PTPRJ: variants seen among roughly 807,000 people sequenced by gnomAD.
The protein encoded by PTPRJ is protein tyrosine phosphatase receptor type J, also known as receptor-type tyrosine-protein phosphatase eta.
In PTPRJ, 129 loss-of-function variants were observed where a neutral mutation model predicts 141.3. The ratio of observed to expected loss-of-function variants is 0.91; its 90% CI spans 0.79 to 1.06. PTPRJ has a LOEUF of 1.06. PTPRJ is among the 50% of genes least tolerant of loss of function. The pLI is 0.00. For synonymous variants in PTPRJ, 610 were observed against 640.5 expected (o/e 0.95, Z 0.72); for missense variants, 1,601 against 1,679.7 (o/e 0.95, Z 0.82).
intron 1 of PTPRJ, among the ~76,000 whole-genome samples, chr11:48,004,109 A>G (rs1590396523): frequency 6.6e-6 from 1 of 152,102 alleles, no homozygotes; most frequent in East Asian, 1.9e-4. Context: ...TTAGAGCTAT[A>G]TTTTAGCTCT....
intron 1 of PTPRJ, among the ~76,000 whole-genome samples, chr11:48,059,800 A>G (rs1854869710): frequency 6.6e-6 from 1 of 152,220 alleles, no homozygotes; most frequent in Non-Finnish European, 1.5e-5. Context: ...TGAGGCAAAG[A>G]AAGGATAAGT....
intron 23 of PTPRJ, among the ~76,000 whole-genome samples, 168 bp downstream of exon 23, chr11:48,163,786 A>G (rs1256921537): frequency 6.6e-6 from 1 of 152,238 alleles, no homozygotes; most frequent in Non-Finnish European, 1.5e-5. Flanking sequence ...CTTCCAAAAC[A>G]GGGGTTGGCA....
chr11:48,121,471 A>G (rs1190138957), intron 4 of PTPRJ, among the ~76,000 whole-genome samples: 3 of 152,206 alleles, frequency 2.0e-5, no homozygotes, highest in Non-Finnish European at 4.4e-5. Flanking sequence ...GGGAAGTTCT[A>G]ACTACTTCTG....
chr11:48,023,179 T>A (rs1255698711), intron 1 of PTPRJ, among the ~76,000 whole-genome samples: 2 of 152,036 alleles, frequency 1.3e-5, no homozygotes, highest in Non-Finnish European at 2.9e-5. Context: ...GTCTTAAGGA[T>A]GTAGAAATTT....
At chr11:48,117,366 C>G (rs1002521609) in intron 3 of PTPRJ, among the ~76,000 whole-genome samples, 2 of 151,502 alleles carry the variant, frequency 1.3e-5, no homozygotes, top group Non-Finnish European at 2.9e-5. Flanking sequence ...CATGGTGAAA[C>G]CCCGTCTCTA....
intron 1 of PTPRJ, among the ~76,000 whole-genome samples, chr11:48,082,854 G>C (rs1855600307): frequency 6.6e-6 from 1 of 152,148 alleles, no homozygotes; most frequent in Admixed American, 6.5e-5. Context: ...TAAAATAGGT[G>C]AATAGTATCT....
intron 1 of PTPRJ, among the ~76,000 whole-genome samples, chr11:48,032,813 G>C (rs934597687): frequency 6.6e-6 from 1 of 152,130 alleles, no homozygotes; most frequent in Non-Finnish European, 1.5e-5. Context: ...TTCATTCAGC[G>C]TGCACAATTT....
At chr11:48,099,427 T>C (rs1478474232) in intron 1 of PTPRJ, among the ~76,000 whole-genome samples, 2 of 152,222 alleles carry the variant, frequency 1.3e-5, no homozygotes, top group African/African-American at 4.8e-5. Context: ...AGTTTACATA[T>C]CATCGATGGC....
intron 1 of PTPRJ, among the ~76,000 whole-genome samples, chr11:48,094,807 A>C (rs983285874): frequency 6.6e-6 from 1 of 152,194 alleles, no homozygotes; most frequent in Non-Finnish European, 1.5e-5. Context: ...ACTTTGGGTC[A>C]ACTTCAGGGT....
At chr11:48,106,763 C>CTTTTTTTTTTTTTTTT (rs35643138) in intron 1 of PTPRJ, among the ~76,000 whole-genome samples, 8 of 86,438 alleles carry the variant, frequency 9.3e-5, no homozygotes, top group Non-Finnish European at 1.4e-4. Context: ...TTCTTTCTTT[C>CTTTTTTTTTTTTTTTT]TTTTTTTTTT....
chr11:47,988,816 C>A (rs1166271937), intron 1 of PTPRJ, among the ~76,000 whole-genome samples: 1 of 150,740 alleles, frequency 6.6e-6, no homozygotes, highest in Non-Finnish European at 1.5e-5. Flanking sequence ...TTCTCCATAC[C>A]GTCTCATCTG....
At chr11:47,987,747 G>T (rs896143874) in intron 1 of PTPRJ, among the ~76,000 whole-genome samples, 13 of 152,114 alleles carry the variant, frequency 8.5e-5, no homozygotes, top group African/African-American at 2.9e-4. Context: ...GGCTTTACTG[G>T]TGCCCCCTCG....
At chr11:47,996,428 T>G (rs1054086669) in intron 1 of PTPRJ, among the ~76,000 whole-genome samples, 1 of 151,966 alleles carries the variant, frequency 6.6e-6, no homozygotes, top group Non-Finnish European at 1.5e-5. Flanking sequence ...TCTTCCCTTA[T>G]AGCTGTGTGA....
chr11:47,982,041 T>G (rs956226213), intron 1 of PTPRJ, among the ~76,000 whole-genome samples: 2 of 152,110 alleles, frequency 1.3e-5, no homozygotes, highest in Non-Finnish European at 1.5e-5. Context: ...GGAACCTGGT[T>G]TCAGGGAAAA....
Position 48,145,178 on chromosome 11 carries a change from G to C in PTPRJ, c.2911+54G>C, listed in dbSNP as rs574336212. ...GGTTCAGTGGCATTTTGCTCCACGT[G>C]TCCATAGAAGGCCAGCTGTGTACAT... On this transcript the variant is annotated intron_variant, in intron 14 of 24. Transcript: ENST00000418331. The C allele has an allele frequency of 1.2e-5, 19 of 1,609,382 alleles. No homozygotes were observed. The South Asian group carries it at 2.0e-4, about 17-fold the overall frequency.
At position 48,069,244 on chromosome 11, in the gene PTPRJ, C is replaced by T. The variant is rs185900385; in HGVS notation, c.97-40814C>T. On this transcript the variant is annotated intron_variant, in intron 1 of 24. Coordinates refer to ENST00000418331, the MANE Select transcript of PTPRJ (RefSeq NM_002843.4). ...CCTCCCGAGTAGCTGGGATTACAGG[C>T]GCCTGCCACCATGCCCAGCTAATTT... 2.4e-3 allele frequency among the ~76,000 whole-genome samples: 367 copies of T among 151,358 alleles called. 1 individual carries two copies. The highest frequency in any genetic ancestry group is 8.4e-3 in the African/African-American group (346 of 41,228).
chr11:48,170,408 C>G lies in PTPRJ; in HGVS notation c.*3046C>G, dbSNP rs1858026754. Reference sequence around the variant, plus strand: ...TTGTGCTCTGTTGAGTCAGAGGCTCCCGGGGGTTGGGGATCGAGGGGCGGG... The same window carrying G: ...TTGTGCTCTGTTGAGTCAGAGGCTCGCGGGGGTTGGGGATCGAGGGGCGGG... On this transcript the variant is annotated 3_prime_UTR_variant, in exon 25 of 25. Coordinates refer to ENST00000418331, the MANE Select transcript of PTPRJ (RefSeq NM_002843.4). The G allele has an allele frequency of 6.6e-6, 1 of 151,976 alleles. No homozygotes were observed. The highest frequency in any genetic ancestry group is 2.1e-4 in the South Asian group (1 of 4,820). The allele number at this position is 151,976 out of a possible 1,614,324, so 9.4% of individuals were successfully genotyped here.
chr11:48,011,666 T>C (rs1854794149), intron 1 of PTPRJ, among the ~76,000 whole-genome samples: 1 of 152,092 alleles, frequency 6.6e-6, no homozygotes, highest in South Asian at 2.1e-4. Context: ...CTTTTTTCTT[T>C]TTCTTTTTGG....
intron 1 of PTPRJ, among the ~76,000 whole-genome samples, chr11:47,993,747 C>T (rs1472665757): frequency 1.3e-5 from 2 of 152,166 alleles, no homozygotes; most frequent in Non-Finnish European, 2.9e-5. Context: ...TTGCATGGGC[C>T]TGAATGAACC....
Sources: gnomAD v4.1 joint callset for allele counts (sites outside exome capture counted in the v4.1 genomes callset) on GRCh38, gnomAD v4.1.1 for gene constraint, MANE v1.5 for transcripts, NCBI Gene and HGNC (gene_info 2026-07-23, HGNC 2026-07-21) for gene names.